The following ANKFY1 variants were observed in gnomAD, a reference collection of about 807,000 sequenced individuals.
The protein encoded by ANKFY1 is ankyrin repeat and FYVE domain-containing protein 1.
In ANKFY1, 47 loss-of-function variants were observed where a neutral mutation model predicts 128.3. The observed-to-expected ratio is 0.37, with a 90% CI of 0.29 to 0.47. ANKFY1 has a LOEUF of 0.47. ANKFY1 is among the 20% of genes least tolerant of loss of function. ANKFY1 has a pLI of 1.00. For synonymous variants in ANKFY1, 553 were observed against 601.6 expected (o/e 0.92, Z 1.18); for missense variants, 1,222 against 1,510.6 (o/e 0.81, Z 3.17).
rs1191874423 is a variant in ANKFY1, at chr17:4,217,017, C to T, written c.424G>A (p.Ala142Thr). 6.2e-7 allele frequency: 1 copy of T among 1,614,160 alleles called. No individual in the cohort carries two copies. The highest frequency in any genetic ancestry group is 1.1e-5 in the South Asian group (1 of 91,078). ...AGGAGCTGTAGCTGAAACCGATTTG[C>T]TAGTTTCATCAGTTCAGTCAGGAAC... ...DVFLTELMKL[A>T]NRFQLQLLRE... Residue 142 changes from alanine (A) to threonine (T), a missense_variant, in exon 4 of 25, where the codon GCA becomes ACA. By Grantham distance (58) the Ala-to-Thr change is moderately conservative (BLOSUM62 0). Transcript: ENST00000341657.
chr17:4,192,695 AT>A (rs2059740320), intron 10 of ANKFY1, among the ~76,000 whole-genome samples: 1 of 152,184 alleles, frequency 6.6e-6, no homozygotes, highest in African/African-American at 2.4e-5. Flanking sequence ...TAAATTCTAT[AT>A]CTCCCAATAG....
intron 7 of ANKFY1, among the ~76,000 whole-genome samples, chr17:4,197,875 G>A (rs374145618): frequency 3.3e-4 from 50 of 152,204 alleles, no homozygotes; most frequent in East Asian, 1.4e-3. Context: ...CATGCCTGTC[G>A]TCCCAACACT....
intron 1 of ANKFY1, among the ~76,000 whole-genome samples, chr17:4,247,847 G>A (rs1967632596): frequency 6.6e-6 from 1 of 152,182 alleles, no homozygotes; most frequent in African/African-American, 2.4e-5. Context: ...CAAGGATGTT[G>A]TAAACACTGA....
At chr17:4,196,036 A>ACCCCCCC (rs1259296783) in intron 8 of ANKFY1, among the ~76,000 whole-genome samples, 3 of 5,894 alleles carry the variant, frequency 5.1e-4, no homozygotes, top group African/African-American at 7.2e-4. Context: ...CACCCCCCCC[A>ACCCCCCC]CCACCCCCCA....
chr17:4,201,533 C>A (rs557664082), intron 7 of ANKFY1, among the ~76,000 whole-genome samples: 10 of 146,950 alleles, frequency 6.8e-5, no homozygotes, highest in African/African-American at 1.0e-4. Context: ...CAAAACAGAA[C>A]CTGGGAAATG....
rs771051887 is a variant in ANKFY1, at chr17:4,166,921, G to A, written c.*858C>T. 38 of 152,652 alleles carry A rather than the reference G, an allele frequency of 2.5e-4. No homozygotes were observed. The highest frequency in any genetic ancestry group is 4.7e-4 in the Non-Finnish European group (32 of 68,062). 9.5% of individuals were successfully genotyped at this position (152,652 alleles called of 1,614,324 possible). A position where few individuals can be genotyped will look rare whatever the true frequency, so the allele number is the denominator to read the frequency against. On this transcript the variant is annotated 3_prime_UTR_variant, in exon 25 of 25. Transcript: ENST00000341657. ...ATTAGAATCACTGATGCAGGGATGT[G>A]TGAGGGTATTTTTGAATATGGATTT...
At chr17:4,194,834 T>C in intron 10 of ANKFY1, 144 bp downstream of exon 10, 1 of 765,512 alleles carries the variant, frequency 1.3e-6, no homozygotes. Context: ...CAACCCAGGC[T>C]TTTACTGTAT....
chr17:4,173,481 G>T, intron 20 of ANKFY1, 37 bp from the exon 21 acceptor site: 1 of 1,595,988 alleles, frequency 6.3e-7, no homozygotes, highest in South Asian at 1.1e-5. Flanking sequence ...AAGCCCAGAA[G>T]CACATGCAGA....
intron 3 of ANKFY1, chr17:4,223,209 T>C: frequency 1.3e-6 from 1 of 782,884 alleles, no homozygotes; most frequent in South Asian, 1.4e-5. Context: ...AGAAATCTTC[T>C]TCCTATTACT....
intron 9 of ANKFY1, 59 bp downstream of exon 9, chr17:4,195,344 T>C: frequency 6.4e-7 from 1 of 1,552,200 alleles, no homozygotes; most frequent in South Asian, 1.1e-5. Context: ...AAGAATGATT[T>C]TTCACTCACA....
intron 16 of ANKFY1, 74 bp from the exon 17 acceptor site, chr17:4,179,951 A>C: frequency 6.4e-7 from 1 of 1,570,436 alleles, no homozygotes; most frequent in Non-Finnish European, 8.7e-7. Context: ...TACAAATGTA[A>C]AGCAGGAGCC....
chr17:4,261,446 C>T (rs1968410809), intron 1 of ANKFY1, among the ~76,000 whole-genome samples: 1 of 152,218 alleles, frequency 6.6e-6, no homozygotes, highest in African/African-American at 2.4e-5. Context: ...CGCTATTGCA[C>T]TCCCGCCTGG....
intron 13 of ANKFY1, 77 bp downstream of exon 13, chr17:4,183,735 C>G: frequency 6.7e-7 from 1 of 1,484,022 alleles, no homozygotes; most frequent in Non-Finnish European, 9.3e-7. Context: ...CTTTCTTTCT[C>G]GCTCCCTCTG....
chr17:4,231,530 T>C (rs540963383), intron 3 of ANKFY1, among the ~76,000 whole-genome samples: 1 of 152,252 alleles, frequency 6.6e-6, no homozygotes, highest in Non-Finnish European at 1.5e-5. Context: ...TGTGCCTTCA[T>C]CAGTGGATCA....
At chr17:4,230,353 A>T (rs1432561674) in intron 3 of ANKFY1, among the ~76,000 whole-genome samples, 12 of 152,198 alleles carry the variant, frequency 7.9e-5, no homozygotes, top group Non-Finnish European at 1.3e-4. Context: ...TATGCCAAGG[A>T]ACTGTAAGAT....
intron 14 of ANKFY1, 142 bp downstream of exon 14, chr17:4,183,256 G>T: frequency 1.1e-6 from 1 of 937,736 alleles, no homozygotes; most frequent in Non-Finnish European, 1.6e-6. Flanking sequence ...TGATGACACC[G>T]CAGTTGTGTG....
At position 4,263,979 on chromosome 17, in the gene ANKFY1, C is replaced by T. The variant is rs1598170496; in HGVS notation, c.-38G>A. 1.2e-6 allele frequency: 2 copies of T among 1,613,846 alleles called. No homozygotes were observed. Among genetic ancestry groups the T allele is most frequent in the African/African-American group, 1.3e-5 (1 of 75,066 alleles). On this transcript the variant is annotated 5_prime_UTR_variant, in exon 1 of 25. Transcript: ENST00000341657. ...ACTGCCTGCAACCTCGCGAGAAGTG[C>T]GCGGCTCAACCGGGGCGGTGCGGAA... is the stretch of plus-strand genomic sequence containing the variant.
At chr17:4,179,994 G>A (rs2143003070) in intron 16 of ANKFY1, 117 bp from the exon 17 acceptor site, 1 of 1,318,912 alleles carries the variant, frequency 7.6e-7, no homozygotes, top group East Asian at 2.3e-5. Flanking sequence ...CTGTGGCCGG[G>A]TCTGCTGTCC....
At position 4,193,614 on chromosome 17, in the gene ANKFY1, C is replaced by T. The variant is rs536223524; in HGVS notation, c.1372+1364G>A. Among the ~76,000 whole-genome samples, 9 of 151,884 alleles carry T rather than the reference C, an allele frequency of 5.9e-5. No homozygotes were observed. In the South Asian group the frequency reaches 1.7e-3, roughly 28 times the overall value. On this transcript the variant is annotated intron_variant, in intron 10 of 24. Transcript: ENST00000341657. ...GCTAATTTTTGTATTTCAGTAGAGACGGTGTTTCACCATGTTGGCCAGGAT... is the reference window on the plus strand; with the variant it reads ...GCTAATTTTTGTATTTCAGTAGAGATGGTGTTTCACCATGTTGGCCAGGAT...
Sources: allele counts gnomAD v4.1 joint callset (sites outside exome capture counted in the v4.1 genomes callset), GRCh38; gene constraint gnomAD v4.1.1; transcripts MANE v1.5; gene names NCBI Gene and HGNC (gene_info 2026-07-23, HGNC 2026-07-21).